MKLN1: variants seen among roughly 807,000 people sequenced by gnomAD.
MKLN1 encodes the protein muskelin 1.
A neutral mutation model predicts 99.0 loss-of-function variants in MKLN1; 18 were observed. The ratio of observed to expected loss-of-function variants is 0.18; its 90% CI spans 0.13 to 0.27. The LOEUF (loss-of-function observed/expected upper bound fraction) is 0.27, where lower values mean the gene tolerates loss of function less well. Among genes scored for constraint, MKLN1 ranks in the 10% least tolerant of loss-of-function variants. MKLN1 has a pLI of 1.00. For missense variants in MKLN1, 621 were observed against 875.9 expected (o/e 0.71, Z 3.67); for synonymous variants, 288 against 293.2 (o/e 0.98, Z 0.18).
chr7:131,443,797 A>AGT, intron 11 of MKLN1, 95 bp downstream of exon 11: 1 of 959,332 alleles, frequency 1.0e-6, no homozygotes, highest in Non-Finnish European at 1.6e-6. Flanking sequence ...GGAAGAGATT[A>AGT]GTGTAGCAAT....
intron 8 of MKLN1, among the ~76,000 whole-genome samples, chr7:131,418,634 T>C (rs879397224): frequency 2.0e-5 from 3 of 152,256 alleles, no homozygotes; most frequent in Non-Finnish European, 2.9e-5. Context: ...TAAGTGGTAG[T>C]AGAGCCAGCA....
intron 1 of MKLN1, among the ~76,000 whole-genome samples, chr7:131,356,992 C>T (rs922868619): frequency 7.9e-5 from 12 of 152,248 alleles, no homozygotes; most frequent in African/African-American, 2.6e-4. Flanking sequence ...GAAAGTACAC[C>T]TTGGAAGAGG....
intron 2 of MKLN1, among the ~76,000 whole-genome samples, chr7:131,180,873 T>G (rs191451864): frequency 2.0e-4 from 31 of 152,268 alleles, no homozygotes; most frequent in African/African-American, 7.2e-4. Context: ...TTATTTGTAC[T>G]CTACAAAAAT....
intron 2 of MKLN1, among the ~76,000 whole-genome samples, chr7:131,187,726 C>T (rs938237386): frequency 5.3e-5 from 8 of 152,184 alleles, no homozygotes; most frequent in East Asian, 1.9e-4. Context: ...TCCAGGATTT[C>T]GAGACCAGAG....
At chr7:131,461,037 G>A (rs1796499053) in intron 12 of MKLN1, among the ~76,000 whole-genome samples, 1 of 152,134 alleles carries the variant, frequency 6.6e-6, no homozygotes. Context: ...TTGAGGGACT[G>A]GTTCCAGGAC....
At chr7:131,440,442 A>G (rs1411005764) in intron 10 of MKLN1, among the ~76,000 whole-genome samples, 3 of 152,226 alleles carry the variant, frequency 2.0e-5, no homozygotes, top group African/African-American at 4.8e-5. Context: ...TCCTCTGTGA[A>G]GTTATCTGGT....
chr7:131,293,139 C>T (rs1798245996), intron 3 of MKLN1, among the ~76,000 whole-genome samples: 1 of 152,142 alleles, frequency 6.6e-6, no homozygotes. Context: ...TCTTTCAGAC[C>T]CTGCCTTTTC....
chr7:131,280,883 T>TTTTGTCCATGTTTAATTGTCCA (rs1798040800), intron 3 of MKLN1, among the ~76,000 whole-genome samples: 2 of 152,104 alleles, frequency 1.3e-5, no homozygotes, highest in Non-Finnish European at 2.9e-5. Flanking sequence ...CATGTTTTAA[T>TTTTGTCCATGTTTAATTGTCCA]TGAGTCATTT....
intron 1 of MKLN1, among the ~76,000 whole-genome samples, chr7:131,113,889 A>T (rs1458046214): frequency 6.6e-6 from 1 of 152,108 alleles, no homozygotes; most frequent in Non-Finnish European, 1.5e-5. Context: ...GGAAACTGAC[A>T]CTTTTAAAAC....
At chr7:131,327,799 C>A, upstream of MKLN1, 6 of 1,460,082 alleles carry the variant, frequency 4.1e-6, no homozygotes, top group Middle Eastern at 2.5e-4. Flanking sequence ...GGAGCGCGGG[C>A]GGCCGGGGAG....
chr7:131,425,888 C>T (rs1795344371), intron 8 of MKLN1, among the ~76,000 whole-genome samples: 1 of 152,170 alleles, frequency 6.6e-6, no homozygotes, highest in Admixed American at 6.5e-5. Context: ...ATCCTTTGTG[C>T]ATTAAATAAT....
chr7:131,477,464 G>A (rs997779948), intron 16 of MKLN1, among the ~76,000 whole-genome samples: 3 of 151,522 alleles, frequency 2.0e-5, no homozygotes, highest in Non-Finnish European at 4.4e-5. Context: ...CCATGATCAC[G>A]CCACTGCACT....
chr7:131,390,259 C>T (rs1346094618), intron 4 of MKLN1, among the ~76,000 whole-genome samples: 1 of 152,076 alleles, frequency 6.6e-6, no homozygotes, highest in Non-Finnish European at 1.5e-5. Context: ...TAAATTAAAA[C>T]CTATATTCTG....
At chr7:131,362,545 C>CTTTTATTTTAGAAAGATTTTA (rs1262850874) in intron 1 of MKLN1, among the ~76,000 whole-genome samples, 22 of 151,670 alleles carry the variant, frequency 1.5e-4, no homozygotes, top group Admixed American at 3.3e-4. Flanking sequence ...GTAGATTCAA[C>CTTTTATTTTAGAAAGATTTTA]TTTTATTTTA....
At chr7:131,207,389 G>T (rs1471619136) in intron 3 of MKLN1, among the ~76,000 whole-genome samples, 1 of 151,952 alleles carries the variant, frequency 6.6e-6, no homozygotes, top group Non-Finnish European at 1.5e-5. Flanking sequence ...GTAGAGACAG[G>T]GTTTCGTCAT....
chr7:131,133,559 A>G (rs1242896298), intron 1 of MKLN1, among the ~76,000 whole-genome samples: 2 of 150,452 alleles, frequency 1.3e-5, no homozygotes, highest in Non-Finnish European at 3.0e-5. Flanking sequence ...TCACCATGTT[A>G]GTCAGGATGG....
intron 3 of MKLN1, among the ~76,000 whole-genome samples, chr7:131,313,108 T>A (rs1354436766): frequency 6.6e-6 from 1 of 152,216 alleles, no homozygotes; most frequent in African/African-American, 2.4e-5. Context: ...AACCAATAGA[T>A]CTAGGCAAAC....
chr7:131,449,236 T>C (rs1796107378), intron 12 of MKLN1, among the ~76,000 whole-genome samples: 3 of 152,128 alleles, frequency 2.0e-5, no homozygotes, highest in African/African-American at 7.2e-5. Flanking sequence ...TCAGAAATAG[T>C]GGGACTGGTA....
At chr7:131,121,673 C>G (rs1002105759) in intron 1 of MKLN1, among the ~76,000 whole-genome samples, 2 of 127,078 alleles carry the variant, frequency 1.6e-5, no homozygotes, top group African/African-American at 5.5e-5. Flanking sequence ...AAAAAATTAC[C>G]CAGCCTCAGA....
Sources: allele counts gnomAD v4.1 joint callset (sites outside exome capture counted in the v4.1 genomes callset), GRCh38; gene constraint gnomAD v4.1.1; transcripts MANE v1.5; gene names NCBI Gene and HGNC (gene_info 2026-07-23, HGNC 2026-07-21).